Variants in RNGTT observed in about 807,000 individuals in gnomAD.
RNGTT encodes RNA guanylyltransferase and 5'-phosphatase, also known as mRNA-capping enzyme.
Under a neutral mutation model 79.3 loss-of-function variants are expected in RNGTT, and 33 were observed. The observed-to-expected ratio is 0.42, with a 90% CI of 0.32 to 0.56. The LOEUF is 0.56. RNGTT is among the 20% of genes least tolerant of loss of function. RNGTT has a pLI of 0.17. For missense variants in RNGTT, 497 were observed against 739.1 expected (o/e 0.67, Z 3.80); for synonymous variants, 222 against 235.9 (o/e 0.94, Z 0.54).
chr6:88,921,533 C>G (rs1784165087), intron 4 of RNGTT, among the ~76,000 whole-genome samples: 1 of 152,062 alleles, frequency 6.6e-6, no homozygotes, highest in African/African-American at 2.4e-5. Flanking sequence ...TTATCTGAAA[C>G]CCTTAGAACC....
intron 13 of RNGTT, among the ~76,000 whole-genome samples, chr6:88,686,780 T>A (rs150667521): frequency 6.6e-6 from 1 of 152,170 alleles, no homozygotes; most frequent in East Asian, 1.9e-4. Context: ...AAATTAATAA[T>A]TTATGTTTAT....
intron 8 of RNGTT, among the ~76,000 whole-genome samples, chr6:88,885,042 T>G (rs1349211125): frequency 6.6e-6 from 1 of 151,510 alleles, no homozygotes; most frequent in African/African-American, 2.4e-5. Flanking sequence ...CTCGTGATTT[T>G]GAAAAAAAAA....
intron 13 of RNGTT, among the ~76,000 whole-genome samples, chr6:88,715,239 C>T (rs13198346): frequency 0.12 from 18,012 of 152,012 alleles, 1,182 homozygotes; most frequent in Middle Eastern, 0.23. Context: ...AATAAAATAC[C>T]CAGGAATCCA....
intron 2 of RNGTT, among the ~76,000 whole-genome samples, chr6:88,932,971 C>T (rs961842958): frequency 2.8e-4 from 43 of 152,194 alleles, no homozygotes; most frequent in Middle Eastern, 3.4e-3. Flanking sequence ...AATTTTCCTG[C>T]CTGGTATTCA....
At chr6:88,875,737 T>C (rs1168324506) in intron 8 of RNGTT, among the ~76,000 whole-genome samples, 29 of 152,232 alleles carry the variant, frequency 1.9e-4, no homozygotes. Flanking sequence ...CAAGTATTAC[T>C]TGTTATAACT....
chr6:88,631,759 T>C (rs948404842), intron 14 of RNGTT, among the ~76,000 whole-genome samples: 4 of 151,962 alleles, frequency 2.6e-5, no homozygotes, highest in Non-Finnish European at 5.9e-5. Flanking sequence ...TGGATGGAGG[T>C]TGGGAGAAAA....
chr6:88,752,481 A>C (rs940671291), intron 13 of RNGTT, among the ~76,000 whole-genome samples: 101 of 151,982 alleles, frequency 6.6e-4, no homozygotes, highest in African/African-American at 2.4e-3. Context: ...ACAAATTGCT[A>C]ATTTAAAAAA....
At chr6:88,855,618 T>C (rs1370346016) in intron 8 of RNGTT, among the ~76,000 whole-genome samples, 1 of 152,092 alleles carries the variant, frequency 6.6e-6, no homozygotes, top group Non-Finnish European at 1.5e-5. Context: ...GGGGAGCAGA[T>C]GGAGAGCTCA....
chr6:88,960,550 A>G (rs1234217584), intron 1 of RNGTT, among the ~76,000 whole-genome samples: 1 of 152,230 alleles, frequency 6.6e-6, no homozygotes, highest in Non-Finnish European at 1.5e-5. Context: ...CCTGGCCAAC[A>G]TGGTGAAACC....
chr6:88,808,489 A>G (rs916939441), intron 11 of RNGTT, among the ~76,000 whole-genome samples: 7 of 152,214 alleles, frequency 4.6e-5, no homozygotes, highest in African/African-American at 1.7e-4. Context: ...ACATGGGGCA[A>G]GCCATGTAGT....
intron 13 of RNGTT, among the ~76,000 whole-genome samples, chr6:88,717,046 G>A (rs530198499): frequency 3.2e-4 from 48 of 152,192 alleles, no homozygotes; most frequent in Admixed American, 2.5e-3. Context: ...CTTTCAGGGT[G>A]TGGGACAGCC....
chr6:88,825,489 G>T (rs941027016), intron 11 of RNGTT, among the ~76,000 whole-genome samples: 1 of 152,194 alleles, frequency 6.6e-6, no homozygotes, highest in African/African-American at 2.4e-5. Flanking sequence ...AATTTTGGTA[G>T]CATTCTAAAC....
intron 4 of RNGTT, among the ~76,000 whole-genome samples, chr6:88,914,121 G>A (rs940607249): frequency 2.0e-5 from 3 of 152,032 alleles, no homozygotes; most frequent in Admixed American, 6.6e-5. Context: ...AAACACTGAT[G>A]ACAGAAATCA....
intron 11 of RNGTT, among the ~76,000 whole-genome samples, chr6:88,826,856 A>ATATATATATATATATATATGTGTGTGTG (rs1562272620): frequency 7.2e-6 from 1 of 138,562 alleles, no homozygotes; most frequent in African/African-American, 2.9e-5. Flanking sequence ...GTGTGTGTGT[A>ATATATATATATATATATATGTGTGTGTG]TATATATATA....
At chr6:88,797,563 T>C (rs1285402909) in intron 12 of RNGTT, among the ~76,000 whole-genome samples, 1 of 152,086 alleles carries the variant, frequency 6.6e-6, no homozygotes, top group African/African-American at 2.4e-5. Context: ...ACCTTATATA[T>C]TTGACTGCAT....
intron 14 of RNGTT, among the ~76,000 whole-genome samples, chr6:88,643,497 T>G (rs556198041): frequency 6.6e-6 from 1 of 152,230 alleles, no homozygotes; most frequent in African/African-American, 2.4e-5. Context: ...CTGCACCAAG[T>G]GGACCTAATA....
chr6:88,850,131 G>T (rs1164979719), intron 9 of RNGTT, among the ~76,000 whole-genome samples: 1 of 151,938 alleles, frequency 6.6e-6, no homozygotes, highest in Non-Finnish European at 1.5e-5. Context: ...AGGGTAGGAA[G>T]ACTACAAATT....
At chr6:88,916,655 A>C (rs1273202065) in intron 4 of RNGTT, among the ~76,000 whole-genome samples, 1 of 152,226 alleles carries the variant, frequency 6.6e-6, no homozygotes. Context: ...CTCAGCAATG[A>C]ACTTTATCAA....
At chr6:88,648,497 A>AAT (rs1562169907) in intron 14 of RNGTT, among the ~76,000 whole-genome samples, 6,851 of 120,814 alleles carry the variant, frequency 0.057, 543 homozygotes, top group African/African-American at 0.19. Flanking sequence ...ATAATAATAA[A>AAT]AAATTCTAAC....
Sources: gnomAD v4.1 joint callset for allele counts (sites outside exome capture counted in the v4.1 genomes callset) on GRCh38, gnomAD v4.1.1 for gene constraint, MANE v1.5 for transcripts, NCBI Gene and HGNC (gene_info 2026-07-23, HGNC 2026-07-21) for gene names.